NSG1: variants seen among roughly 807,000 people sequenced by gnomAD.
NSG1 encodes neuronal vesicle trafficking-associated protein 1.
Under a neutral mutation model 19.3 loss-of-function variants are expected in NSG1, and 9 were observed. That is an observed-to-expected ratio of 0.47 (90% CI 0.28 to 0.81). NSG1 has a LOEUF of 0.81. Among genes scored for constraint, NSG1 ranks in the 40% least tolerant of loss-of-function variants. The pLI, the probability that NSG1 is intolerant of heterozygous loss-of-function variation, is 0.11. For missense variants in NSG1, 236 were observed against 242.4 expected (o/e 0.97, Z 0.18); for synonymous variants, 104 against 107.0 (o/e 0.97, Z 0.17).
At chr4:4,402,756 G>A (rs1282637318) in intron 3 of NSG1, among the ~76,000 whole-genome samples, 6 of 152,196 alleles carry the variant, frequency 3.9e-5, no homozygotes, top group Admixed American at 1.3e-4. Context: ...GTGGGCCCGG[G>A]TGTGGGCCCC....
rs1212318127 is a variant in NSG1, at chr4:4,402,382, T to TAGTAGAGATGGGG, written c.247-7191_247-7190insAGTAGAGATGGGG. ...CACCACGCCTGGTTATTTTTTTTTT[T>TAGTAGAGATGGGG]TTTTTTTTTTTTTTTTTTTTTTTGA... On this transcript the variant is annotated intron_variant, in intron 3 of 4. Transcript: ENST00000621129. Among the ~76,000 whole-genome samples, 5 of 87,386 alleles carry TAGTAGAGATGGGG rather than the reference T, an allele frequency of 5.7e-5. 1 individual carries two copies. Among genetic ancestry groups the TAGTAGAGATGGGG allele is most frequent in the Admixed American group, 4.4e-4 (4 of 9,064 alleles). 57.3% of individuals were successfully genotyped at this position (87,386 alleles called of 152,430 possible).
chr4:4,388,840 A>G (rs1195415918), intron 2 of NSG1, among the ~76,000 whole-genome samples: 1 of 152,148 alleles, frequency 6.6e-6, no homozygotes, highest in Non-Finnish European at 1.5e-5. Flanking sequence ...GGAGCCGGGA[A>G]GAGGCTGGCA....
At chr4:4,396,187 C>A (rs1723238507) in intron 3 of NSG1, among the ~76,000 whole-genome samples, 1 of 152,234 alleles carries the variant, frequency 6.6e-6, no homozygotes, top group Admixed American at 6.5e-5. Context: ...TTTGAAATTG[C>A]ACTTCCCCAC....
intron 4 of NSG1, 107 bp from the exon 5 acceptor site, chr4:4,417,128 C>A (rs1724591280): frequency 2.2e-6 from 2 of 906,134 alleles, no homozygotes; most frequent in Non-Finnish European, 1.8e-6. Context: ...TGTATCTATT[C>A]CTCCAAGCTC....
In NSG1 at chr4:4,393,690, C is replaced by T. The variant is rs1013192628; in HGVS notation, c.246+2099C>T. ...CACAACTGCCCTGAAGGGGTGGCAT[C>T]GGCCCCTTTACACGTAAGGCTGTTG... On this transcript the variant is annotated intron_variant, in intron 3 of 4. Coordinates refer to ENST00000621129, the MANE Select transcript of NSG1 (RefSeq NM_014392.5). 6.6e-5 allele frequency among the ~76,000 whole-genome samples: 10 copies of T among 152,330 alleles called. No homozygotes were observed. The South Asian group carries it at 8.3e-4, about 13-fold the overall frequency.
intron 3 of NSG1, among the ~76,000 whole-genome samples, chr4:4,396,550 G>A (rs377109276): frequency 4.2e-4 from 64 of 152,342 alleles, no homozygotes; most frequent in African/African-American, 1.5e-3. Flanking sequence ...GAGAGCCCTC[G>A]TTAGTCTGCG....
intron 3 of NSG1, among the ~76,000 whole-genome samples, chr4:4,402,562 A>G (rs564208262): frequency 1.3e-5 from 2 of 151,018 alleles, no homozygotes; most frequent in East Asian, 2.0e-4. Context: ...TAATTTTTGT[A>G]TTTTTAGTAG....
At position 4,387,551 on chromosome 4, in the gene NSG1, C is replaced by A. The variant is rs1722790880; in HGVS notation, c.-26-53C>A. 4 of 613,874 alleles carry A rather than the reference C, an allele frequency of 6.5e-6. 1 individual carries two copies. Among genetic ancestry groups the A allele is most frequent in the African/African-American group, 1.9e-5 (1 of 52,732 alleles). 38.0% of individuals were successfully genotyped at this position (613,874 alleles called of 1,614,324 possible). On this transcript the variant is annotated intron_variant, in intron 1 of 4. Transcript: ENST00000621129. ...TGGGTGTGGGTGCCCACTTCCCCCC[C>A]GCCCCGCCCCGGGTCTTGCTTGTGG... is the stretch of plus-strand genomic sequence containing the variant.
At chr4:4,409,871 G>GT (rs1724077904) in intron 4 of NSG1, among the ~76,000 whole-genome samples, 188 bp downstream of exon 4, 1 of 152,200 alleles carries the variant, frequency 6.6e-6, no homozygotes, top group South Asian at 2.1e-4. Context: ...TAGGCAGGGG[G>GT]CACATGAGAC....
At position 4,414,920 on chromosome 4, in the gene NSG1, C is replaced by T. The variant is rs140637498; in HGVS notation, c.358-2315C>T. Among the ~76,000 whole-genome samples the T allele has an allele frequency of 9.2e-3, 1,398 of 151,650 alleles. 23 individuals carry two copies. The highest frequency in any genetic ancestry group is 0.031 in the African/African-American group (1,266 of 41,216). On this transcript the variant is annotated intron_variant, in intron 4 of 4. Coordinates refer to ENST00000621129, the MANE Select transcript of NSG1 (RefSeq NM_014392.5). ...GAGGGTGAAAAAGGCAGACGTGGCC[C>T]GAGAGGACACTAGGTTTCTACCTCT...
chr4:4,405,286 A>G (rs541939408), intron 3 of NSG1, among the ~76,000 whole-genome samples: 1 of 152,148 alleles, frequency 6.6e-6, no homozygotes, highest in African/African-American at 2.4e-5. Flanking sequence ...TCCCCTCTTT[A>G]TAAGGACACA....
chr4:4,409,594 G>A lies in NSG1; in HGVS notation c.268G>A (p.Ala90Thr), dbSNP rs199877139. The change falls in exon 4 of 5, where the codon GCC becomes ACC. Residue 90 changes from alanine (A) to threonine (T), a missense_variant. Coordinates refer to ENST00000621129, the MANE Select transcript of NSG1 (RefSeq NM_014392.5). ...ACAGGTCTCCGTGTTGGTCCTCTTCGCCCTGGCCTTCCTCACCTGCGTCGT... is the reference window on the plus strand; with the variant it reads ...ACAGGTCTCCGTGTTGGTCCTCTTCACCCTGGCCTTCCTCACCTGCGTCGT... ...RFKVSVLVLF[A>T]LAFLTCVVFL... is the part of the protein sequence containing the mutation. 1.3e-5 allele frequency: 21 copies of A among 1,614,020 alleles called. No homozygotes were observed. Among genetic ancestry groups the A allele is most frequent in the South Asian group, 3.3e-5 (3 of 91,062 alleles).
At chr4:4,406,041 T>A (rs984708990) in intron 3 of NSG1, among the ~76,000 whole-genome samples, 1 of 152,152 alleles carries the variant, frequency 6.6e-6, no homozygotes, top group Non-Finnish European at 1.5e-5. Flanking sequence ...CCCTCTTCTT[T>A]TTTTGAGACG....
In NSG1 at chr4:4,387,646, A is replaced by G. The variant is rs1722797854; in HGVS notation, c.17A>G (p.Asn6Ser). Residue 6 changes from asparagine to serine, a missense_variant, in exon 2 of 5, where the codon AAC (asparagine) becomes AGC (serine). Asn to Ser is a conservative substitution (Grantham distance 46, BLOSUM62 1). Coordinates refer to ENST00000621129, the MANE Select transcript of NSG1 (RefSeq NM_014392.5). Reference sequence around the variant, plus strand: ...CCCGGAACGATGGTGAAGTTGGGGAACAATTTCGCAGAGAAGGGCACCAAG... The same window carrying G: ...CCCGGAACGATGGTGAAGTTGGGGAGCAATTTCGCAGAGAAGGGCACCAAG... MVKLG[N>S]NFAEKGTKQP... is the part of the protein sequence containing the mutation. 1.2e-6 allele frequency: 2 copies of G among 1,610,166 alleles called. No homozygotes were observed. The highest frequency in any genetic ancestry group is 1.7e-5 in the Admixed American group (1 of 59,866).
intron 3 of NSG1, among the ~76,000 whole-genome samples, chr4:4,399,993 T>C (rs1355979853): frequency 6.6e-6 from 1 of 152,226 alleles, no homozygotes; most frequent in Non-Finnish European, 1.5e-5. Context: ...TAACAGGCCA[T>C]GGACTGGTAC....
intron 3 of NSG1, among the ~76,000 whole-genome samples, chr4:4,397,607 C>T (rs1401385048): frequency 2.6e-5 from 4 of 152,242 alleles, no homozygotes; most frequent in Non-Finnish European, 4.4e-5. Context: ...AACAAGGCCA[C>T]GGGCCACTGC....
At chr4:4,409,226 C>G (rs1330047959) in intron 3 of NSG1, among the ~76,000 whole-genome samples, 1 of 152,240 alleles carries the variant, frequency 6.6e-6, no homozygotes, top group Non-Finnish European at 1.5e-5. Context: ...GTGGGCAGCC[C>G]AACCCCACTT....
At chr4:4,411,773 C>CCTGGGCAACAGAGGGAGACTCCGTCTA (rs1724205355) in intron 4 of NSG1, among the ~76,000 whole-genome samples, 1 of 130,854 alleles carries the variant, frequency 7.6e-6, no homozygotes, top group Admixed American at 7.0e-5. Context: ...CAAAACAAAA[C>CCTGGGCAACAGAGGGAGACTCCGTCTA]AAAACAAAAC....
intron 4 of NSG1, among the ~76,000 whole-genome samples, chr4:4,411,797 G>T (rs1724218992): frequency 1.9e-5 from 2 of 107,522 alleles, no homozygotes; most frequent in South Asian, 5.0e-4. Flanking sequence ...ACAAAACATT[G>T]CCTTCTTCCA....
Sources: allele counts gnomAD v4.1 joint callset (sites outside exome capture counted in the v4.1 genomes callset), GRCh38; gene constraint gnomAD v4.1.1; transcripts MANE v1.5; gene names NCBI Gene and HGNC (gene_info 2026-07-23, HGNC 2026-07-21).